Variants in NCOA3 observed in about 807,000 individuals in gnomAD.
The protein encoded by NCOA3 is nuclear receptor coactivator 3.
In NCOA3, 51 loss-of-function variants were observed where a neutral mutation model predicts 158.8. The observed-to-expected ratio is 0.32, with a 90% CI of 0.26 to 0.41. The LOEUF is 0.41. Among genes scored for constraint, NCOA3 ranks in the 10% least tolerant of loss-of-function variants. The probability of loss-of-function intolerance (pLI) is 1.00; values close to 1 mark genes in which losing one functional copy is unlikely to be tolerated. For synonymous variants in NCOA3, 537 were observed against 592.4 expected (o/e 0.91, Z 1.36); for missense variants, 1,510 against 1,746.6 (o/e 0.86, Z 2.41).
At chr20:47,543,191 A>G (rs771429993) in intron 1 of NCOA3, among the ~76,000 whole-genome samples, 15 of 152,138 alleles carry the variant, frequency 9.9e-5, no homozygotes, top group Non-Finnish European at 1.8e-4. Flanking sequence ...TCCTAAAGCT[A>G]CTGCCAGAGC....
chr20:47,560,020 A>G (rs1385133876), intron 1 of NCOA3, among the ~76,000 whole-genome samples: 1 of 152,082 alleles, frequency 6.6e-6, no homozygotes, highest in African/African-American at 2.4e-5. Flanking sequence ...TGCTGGCCTC[A>G]ATCAGTCCAC....
In NCOA3 at chr20:47,508,429, A is replaced by T. The variant is rs910906907; in HGVS notation, c.-99+6410A>T. Reference sequence around the variant, plus strand: ...TCTCAAGACTGAAGAATAATGACTGACTAGTAGGCAGGAAGCCTGCAGTTG... The same window carrying T: ...TCTCAAGACTGAAGAATAATGACTGTCTAGTAGGCAGGAAGCCTGCAGTTG... On this transcript the variant is annotated intron_variant, in intron 1 of 22. Transcript: ENST00000371998. 3.3e-5 allele frequency among the ~76,000 whole-genome samples: 5 copies of T among 152,346 alleles called. No individual in the cohort carries two copies. The South Asian group carries it at 6.2e-4, about 19-fold the overall frequency.
At position 47,635,525 on chromosome 20, in the gene NCOA3, T is replaced by C. The variant is rs930224566; in HGVS notation, c.1316T>C (p.Ile439Thr). ...GCTAGGTATGGGGGTTCCAGTAACATAGCTTCATTGACCCCTGGGCCAGGC... is the reference window on the plus strand; with the variant it reads ...GCTAGGTATGGGGGTTCCAGTAACACAGCTTCATTGACCCCTGGGCCAGGC... ...SGARYGGSSN[I>T]ASLTPGPGMQ... The change falls in exon 11 of 23, where the codon ATA becomes ACA. Residue 439 changes from isoleucine (I) to threonine (T), a missense_variant. Physicochemically the swap from Ile to Thr is moderately conservative, Grantham distance 89. Around this residue, in one of 4 missense-constraint regions of NCOA3, gnomAD observed 1,017 missense variants for 1,098.3 expected, o/e 0.93. Transcript: ENST00000371998. The C allele has an allele frequency of 6.2e-7, 1 of 1,614,080 alleles. No individual in the cohort carries two copies. Among genetic ancestry groups the C allele is most frequent in the African/African-American group, 1.3e-5 (1 of 75,008 alleles).
rs1332199808 is a variant in NCOA3 at position 47,637,797 on chromosome 20, AG to A, written c.2512+16del. The A allele has an allele frequency of 6.4e-7, 1 of 1,560,792 alleles. No individual in the cohort carries two copies. Among genetic ancestry groups the A allele is most frequent in the South Asian group, 1.2e-5 (1 of 83,272 alleles). ...CTAATTCTCTGGGTAAGAATGAACT[AG>A]GTTTTTTTTTTTTTTGCTGCCTTTG... On this transcript the variant is annotated intron_variant, in intron 13 of 22. Transcript: ENST00000371998.
At chr20:47,554,155 A>G (rs1461630014) in intron 1 of NCOA3, among the ~76,000 whole-genome samples, 1 of 152,170 alleles carries the variant, frequency 6.6e-6, no homozygotes, top group African/African-American at 2.4e-5. Flanking sequence ...GCCAGTGATG[A>G]CGAGCATTTT....
rs1366228275 is a variant in NCOA3 at position 47,656,236 on chromosome 20, C to T, written c.*2819C>T. 5 of 148,228 alleles carry T rather than the reference C, an allele frequency of 3.4e-5. No homozygotes were observed. Among genetic ancestry groups the T allele is most frequent in the East Asian group, 2.0e-4 (1 of 5,070 alleles). The allele number at this position is 148,228 out of a possible 1,614,324, so 9.2% of individuals were successfully genotyped here. A position where few individuals can be genotyped will look rare whatever the true frequency, so the allele number is the denominator to read the frequency against. On this transcript the variant is annotated 3_prime_UTR_variant, in exon 23 of 23. Transcript: ENST00000371998. ...CATGTTTCTTCCTTTAAAAAATAAA[C>T]GGAAGTTACATTGTTAATGTTCATA...
At chr20:47,532,936 T>C (rs1310986501) in intron 1 of NCOA3, among the ~76,000 whole-genome samples, 1 of 151,682 alleles carries the variant, frequency 6.6e-6, no homozygotes, top group Non-Finnish European at 1.5e-5. Flanking sequence ...AAACCCCGTC[T>C]GTACTACAAA....
At chr20:47,554,688 C>G (rs1288633024) in intron 1 of NCOA3, among the ~76,000 whole-genome samples, 1 of 152,002 alleles carries the variant, frequency 6.6e-6, no homozygotes, top group Non-Finnish European at 1.5e-5. Context: ...CTACAAACCA[C>G]TGCTCAATGA....
At chr20:47,528,768 C>T (rs924216748) in intron 1 of NCOA3, among the ~76,000 whole-genome samples, 1 of 152,140 alleles carries the variant, frequency 6.6e-6, no homozygotes, top group Non-Finnish European at 1.5e-5. Flanking sequence ...TCTACCTGGA[C>T]ACTTTTTTTT....
intron 12 of NCOA3, among the ~76,000 whole-genome samples, chr20:47,637,064 A>G (rs2086527531): frequency 6.6e-6 from 1 of 152,204 alleles, no homozygotes; most frequent in Non-Finnish European, 1.5e-5. Context: ...TCAGGAAAAA[A>G]AAAACTTGTA....
At chr20:47,650,885 TTCTG>T in intron 19 of NCOA3, 93 bp from the exon 20 acceptor site, 1 of 1,208,916 alleles carries the variant, frequency 8.3e-7, no homozygotes, top group Non-Finnish European at 1.2e-6. Context: ...CCTGGGTGTT[TTCTG>T]TCTTATACCT....
intron 1 of NCOA3, among the ~76,000 whole-genome samples, chr20:47,522,631 A>T (rs1195321055): frequency 6.6e-6 from 1 of 152,036 alleles, no homozygotes; most frequent in Non-Finnish European, 1.5e-5. Flanking sequence ...TCAACAAATC[A>T]TTCGCGTAGC....
intron 12 of NCOA3, 59 bp downstream of exon 12, chr20:47,636,821 G>A: frequency 6.9e-7 from 1 of 1,441,724 alleles, no homozygotes; most frequent in Admixed American, 2.3e-5. Context: ...GTTAGATAAT[G>A]TGATATAAAA....
chr20:47,521,168 G>A (rs552128022), intron 1 of NCOA3, among the ~76,000 whole-genome samples: 2 of 152,188 alleles, frequency 1.3e-5, no homozygotes, highest in East Asian at 3.9e-4. Context: ...CAGCTTATTC[G>A]TCGCACTGCG....
chr20:47,641,873 C>T (rs1353105995), intron 16 of NCOA3, among the ~76,000 whole-genome samples: 1 of 152,072 alleles, frequency 6.6e-6, no homozygotes, highest in Non-Finnish European at 1.5e-5. Context: ...ACCTCCTTCA[C>T]TGTTTTTGTG....
intron 5 of NCOA3, among the ~76,000 whole-genome samples, chr20:47,626,498 T>C (rs1193147146): frequency 6.8e-6 from 1 of 146,420 alleles, no homozygotes; most frequent in African/African-American, 2.5e-5. Context: ...ATTATTCTTC[T>C]TTTTTTTTCC....
intron 2 of NCOA3, among the ~76,000 whole-genome samples, chr20:47,607,487 T>C (rs1245861749): frequency 1.3e-5 from 2 of 152,192 alleles, no homozygotes; most frequent in Non-Finnish European, 2.9e-5. Context: ...CCCTGTGCCC[T>C]TCTTTATTTG....
intron 1 of NCOA3, among the ~76,000 whole-genome samples, chr20:47,536,810 T>C (rs553593932): frequency 0.015 from 2,261 of 150,534 alleles, 23 homozygotes; most frequent in Non-Finnish European, 0.022. Flanking sequence ...TTTTTCTTTT[T>C]TTTTTTTTTT....
chr20:47,612,122 C>A (rs1407758143), intron 2 of NCOA3, among the ~76,000 whole-genome samples: 1 of 152,184 alleles, frequency 6.6e-6, no homozygotes, highest in Non-Finnish European at 1.5e-5. Flanking sequence ...CCACCACACC[C>A]AGCCAAATTA....
Sources: allele counts gnomAD v4.1 joint callset (sites outside exome capture counted in the v4.1 genomes callset), GRCh38; gene constraint gnomAD v4.1.1; regional missense constraint gnomAD v4.1.1; transcripts MANE v1.5; gene names NCBI Gene and HGNC (gene_info 2026-07-23, HGNC 2026-07-21).